Variants in RTKN observed in about 807,000 individuals in gnomAD.
RTKN encodes rhotekin.
A neutral mutation model predicts 63.5 loss-of-function variants in RTKN; 49 were observed. The ratio of observed to expected loss-of-function variants is 0.77; its 90% CI spans 0.61 to 0.98. The LOEUF is 0.98. Among genes scored for constraint, RTKN ranks in the 50% least tolerant of loss-of-function variants. The pLI is 0.00. For synonymous variants in RTKN, 295 were observed against 290.4 expected (o/e 1.02, Z -0.16); for missense variants, 685 against 740.8 (o/e 0.92, Z 0.87).
At chr2:74,440,384 A>G in intron 1 of RTKN, 1 of 986,534 alleles carries the variant, frequency 1.0e-6, no homozygotes, top group Non-Finnish European at 1.2e-6. Flanking sequence ...GGAGAGGGAG[A>G]GAGGAAGGCA....
At position 74,425,872 on chromosome 2, in the gene RTKN, C is replaced by CTTCACCTGGCTCCTG; in HGVS notation, c.*370_*371insCAGGAGCCAGGTGAA. ...AGAGAGGCACCCTGTCCTCAGGAGCCAGGTGAAGGCTGCTGTTAAATAACT... is the reference window on the plus strand; with the variant it reads ...AGAGAGGCACCCTGTCCTCAGGAGCCTTCACCTGGCTCCTGAGGTGAAGGCTGCTGTTAAATAACT... On this transcript the variant is annotated 3_prime_UTR_variant, in exon 12 of 12. Coordinates refer to ENST00000272430, the MANE Select transcript of RTKN (RefSeq NM_001015055.2). 3 of 1,065,648 alleles carry CTTCACCTGGCTCCTG rather than the reference C, an allele frequency of 2.8e-6. No homozygotes were observed. Among genetic ancestry groups the CTTCACCTGGCTCCTG allele is most frequent in the East Asian group, 2.5e-5 (1 of 39,450 alleles). The allele number at this position is 1,065,648 out of a possible 1,614,324, so 66.0% of individuals were successfully genotyped here. A position where few individuals can be genotyped will look rare whatever the true frequency, so the allele number is the denominator to read the frequency against.
chr2:74,427,139 C>A, intron 11 of RTKN, 30 bp downstream of exon 11: 1 of 1,597,102 alleles, frequency 6.3e-7, no homozygotes, highest in East Asian at 2.2e-5. Context: ...TTCCCATTAG[C>A]TTCCTGGAGT....
rs745617318 is a variant in RTKN, at chr2:74,430,566, C to T, written c.374-48G>A. 19 of 1,613,588 alleles carry T rather than the reference C, an allele frequency of 1.2e-5. No individual in the cohort carries two copies. In the East Asian group the frequency reaches 1.3e-4, roughly 11 times the overall value. On this transcript the variant is annotated intron_variant, in intron 3 of 11. Coordinates refer to ENST00000272430, the MANE Select transcript of RTKN (RefSeq NM_001015055.2). ...TAGATGTTGAGATGGGGCAGGAGGCCGTGTGCTTGGGCAAGGGGTACCAGC... is the reference window on the plus strand; with the variant it reads ...TAGATGTTGAGATGGGGCAGGAGGCTGTGTGCTTGGGCAAGGGGTACCAGC...
At chr2:74,426,724 C>T in intron 11 of RTKN, 150 bp from the exon 12 acceptor site, 2 of 1,381,658 alleles carry the variant, frequency 1.4e-6, no homozygotes, top group Non-Finnish European at 1.9e-6. Flanking sequence ...AGCAGCCCCT[C>T]ACCTGGGCCC....
Position 74,428,411 on chromosome 2 carries a change from C to T in RTKN, c.958-15G>A. ...TCCCCAGCTTGCTGCACAAATGACT[C>T]AACATTTTCTGGGGAAGTCACGGCC... On this transcript the variant is annotated splice_polypyrimidine_tract_variant and intron_variant, in intron 8 of 11. Coordinates refer to ENST00000272430, the MANE Select transcript of RTKN (RefSeq NM_001015055.2). 1 of 1,614,156 alleles carries T rather than the reference C, an allele frequency of 6.2e-7. No individual in the cohort carries two copies. The highest frequency in any genetic ancestry group is 1.1e-5 in the South Asian group (1 of 91,082).
At chr2:74,440,531 A>G in intron 1 of RTKN, 9 of 985,882 alleles carry the variant, frequency 9.1e-6, no homozygotes, top group Non-Finnish European at 1.1e-5. Context: ...GTCACACTTC[A>G]CTCGGCGGCC....
chr2:74,435,883 C>T (rs941068610), intron 1 of RTKN, among the ~76,000 whole-genome samples: 1 of 152,232 alleles, frequency 6.6e-6, no homozygotes, highest in Non-Finnish European at 1.5e-5. Flanking sequence ...GCTTCCTTGG[C>T]TATTTTCTGG....
At position 74,426,276 on chromosome 2, in the gene RTKN, G is replaced by C. The variant is rs554638648; in HGVS notation, c.1659C>G (p.Gly553=). 1.3e-4 allele frequency: 204 copies of C among 1,614,108 alleles called. No homozygotes were observed. Among genetic ancestry groups the C allele is most frequent in the Non-Finnish European group, 4.2e-6 (5 of 1,180,008 alleles). ...GTGACTGGAGCCAAGTGCGAGGTTG[G>C]CCTTTGCTGCAGAGGCCTCTGGTCC... ...SPRTRGLCSK[G]QPRTWLQSPV is the part of the protein sequence containing the mutation. The change falls in exon 12 of 12, where the codon GGC becomes GGG. Residue 553 remains glycine (G), a synonymous_variant. Coordinates refer to ENST00000272430, the MANE Select transcript of RTKN (RefSeq NM_001015055.2).
intron 1 of RTKN, among the ~76,000 whole-genome samples, chr2:74,433,040 G>A (rs959330875): frequency 4.6e-5 from 7 of 152,052 alleles, no homozygotes; most frequent in African/African-American, 1.4e-4. Context: ...CCAGGAGATC[G>A]AGACCATCCC....
At chr2:74,428,095 C>CA (rs1323838537) in intron 9 of RTKN, 173 bp downstream of exon 9, 1 of 750,826 alleles carries the variant, frequency 1.3e-6, no homozygotes, top group Non-Finnish European at 2.1e-6. Context: ...ACGATCCTCT[C>CA]ACAGTGATGC....
chr2:74,430,270 AAGG>A lies in RTKN; in HGVS notation c.524_526del (p.Ser175del). 1.2e-6 allele frequency: 2 copies of A among 1,613,840 alleles called. No individual in the cohort carries two copies. ...TACTCACAAGAGCACATTGCTCTGA[AAGG>A]AGATGTCTGTGAGGGTCCTGTCCAC... On this transcript the variant is annotated inframe_deletion, in exon 5 of 12. Transcript: ENST00000272430.
chr2:74,426,706 C>T, intron 11 of RTKN, 132 bp from the exon 12 acceptor site: 1 of 1,397,472 alleles, frequency 7.2e-7, no homozygotes, highest in Non-Finnish European at 9.2e-7. Flanking sequence ...ATTGCGTTAT[C>T]CTGCAGGAGC....
chr2:74,427,052 C>T (rs893378509), intron 11 of RTKN, 117 bp downstream of exon 11: 1 of 1,476,212 alleles, frequency 6.8e-7, no homozygotes, highest in Admixed American at 2.5e-5. Flanking sequence ...CTTGGGTCCC[C>T]AGAGATCTGG....
chr2:74,436,066 C>G lies in RTKN; in HGVS notation c.112-3400G>C, dbSNP rs1441449806. ...CAGGGTTCTGCGCTGCCCGACAACC[C>G]CCACCCCAGTCTGCACCCAGCTTCA... On this transcript the variant is annotated intron_variant, in intron 1 of 11. Coordinates refer to ENST00000272430, the MANE Select transcript of RTKN (RefSeq NM_001015055.2). This position sits in a 1 kb window ranked among gnomAD's most constrained non-coding sequence, Gnocchi z 4.3. 6.6e-6 allele frequency among the ~76,000 whole-genome samples: 1 copy of G among 152,054 alleles called. No individual in the cohort carries two copies. The highest frequency in any genetic ancestry group is 1.5e-5 in the Non-Finnish European group (1 of 68,032).
intron 8 of RTKN, 116 bp from the exon 9 acceptor site, chr2:74,428,512 C>T: frequency 6.4e-7 from 1 of 1,571,706 alleles, no homozygotes; most frequent in Non-Finnish European, 8.7e-7. Flanking sequence ...CTCCCCTCGT[C>T]TGGCCATACC....
Position 74,436,158 on chromosome 2 carries a change from T to C in RTKN, c.112-3492A>G, listed in dbSNP as rs961665365. Among the ~76,000 whole-genome samples, 3 of 152,228 alleles carry C rather than the reference T, an allele frequency of 2.0e-5. No homozygotes were observed. Among genetic ancestry groups the C allele is most frequent in the African/African-American group, 7.2e-5 (3 of 41,468 alleles). On this transcript the variant is annotated intron_variant, in intron 1 of 11. Coordinates refer to ENST00000272430, the MANE Select transcript of RTKN (RefSeq NM_001015055.2). This position sits in a 1 kb window ranked among gnomAD's most constrained non-coding sequence, Gnocchi z 4.3. ...CACGGAGGTGTCCTCAACCCCCATC[T>C]TGGCTAGTCTCATCCCAGTCCCAGC...
At chr2:74,439,985 AG>A in intron 1 of RTKN, 4 of 1,079,158 alleles carry the variant, frequency 3.7e-6, no homozygotes, top group Non-Finnish European at 4.5e-6. Flanking sequence ...CAGCTGTGGA[AG>A]AAAAAGGCCC....
chr2:74,439,007 G>A (rs1216150564), intron 1 of RTKN, among the ~76,000 whole-genome samples: 1 of 152,216 alleles, frequency 6.6e-6, no homozygotes, highest in East Asian at 1.9e-4. Context: ...CATAGCGCAA[G>A]GTGCAGTGGC....
At chr2:74,431,010 CTTCATT>C in intron 2 of RTKN, 1 of 307,080 alleles carries the variant, frequency 3.3e-6, no homozygotes, top group Middle Eastern at 9.2e-4. Flanking sequence ...CACAGAAAGA[CTTCATT>C]TCCAGGGCTC....
Sources: gnomAD v4.1 joint callset for allele counts (sites outside exome capture counted in the v4.1 genomes callset) on GRCh38, gnomAD v4.1.1 for gene constraint, Gnocchi (gnomAD v3.1) non-coding constraint, MANE v1.5 for transcripts, NCBI Gene and HGNC (gene_info 2026-07-23, HGNC 2026-07-21) for gene names.